The following AGPAT3 variants were observed in gnomAD, a reference collection of about 807,000 sequenced individuals.
The protein encoded by AGPAT3 is 1-acyl-sn-glycerol-3-phosphate acyltransferase gamma.
AGPAT3 carries 5 observed loss-of-function variants against 47.3 expected under a neutral mutation model. The observed-to-expected ratio is 0.11, with a 90% CI of 0.06 to 0.22. AGPAT3 has a LOEUF of 0.22. Among genes scored for constraint, AGPAT3 ranks in the 10% least tolerant of loss-of-function variants. The pLI is 1.00. For synonymous variants in AGPAT3, 212 were observed against 208.3 expected (o/e 1.02, Z -0.15); for missense variants, 315 against 493.0 (o/e 0.64, Z 3.42).
chr21:43,865,425 C>G (rs1601169053), intron 1 of AGPAT3, 80 bp downstream of exon 1: 1 of 146,712 alleles, frequency 6.8e-6, no homozygotes, highest in African/African-American at 2.4e-5. Context: ...GTCGCCCTCC[C>G]GCCGCCGGAG....
chr21:43,977,613 C>CA (rs1308745829), intron 7 of AGPAT3, among the ~76,000 whole-genome samples: 1 of 152,206 alleles, frequency 6.6e-6, no homozygotes, highest in African/African-American at 2.4e-5. Context: ...CGCAGTGGCT[C>CA]ACGCCTGTAA....
At chr21:43,974,384 GGTGT>G (rs751516108) in intron 7 of AGPAT3, among the ~76,000 whole-genome samples, 1 of 151,490 alleles carries the variant, frequency 6.6e-6, no homozygotes, top group South Asian at 2.1e-4. Context: ...ATGTGTGTGT[GGTGT>G]GTGAGGTATG....
At chr21:43,915,559 G>C (rs923734064) in intron 2 of AGPAT3, among the ~76,000 whole-genome samples, 1 of 151,124 alleles carries the variant, frequency 6.6e-6, no homozygotes, top group Non-Finnish European at 1.5e-5. Context: ...TTACAGGCAT[G>C]CACCACCATG....
chr21:43,891,355 C>T (rs535030266), intron 1 of AGPAT3, among the ~76,000 whole-genome samples: 3 of 152,294 alleles, frequency 2.0e-5, no homozygotes, highest in South Asian at 2.1e-4. Context: ...AACTCCGGGC[C>T]GGGTGCGGTG....
rs1416430971 is a variant in AGPAT3, at chr21:43,961,399, CTT to C, written c.178+1542_178+1543del. ...GTGAGAAATGGTGAACCCACATACACTTTGTCTCATATGGGAAACGGTGAGCG... is the reference window on the plus strand; with the variant it reads ...GTGAGAAATGGTGAACCCACATACACTGTCTCATATGGGAAACGGTGAGCG... On this transcript the variant is annotated intron_variant, in intron 3 of 9. Transcript: ENST00000291572. Among the ~76,000 whole-genome samples the C allele has an allele frequency of 2.6e-5, 4 of 152,048 alleles. 1 individual carries two copies. Among genetic ancestry groups the C allele is most frequent in the Middle Eastern group, 6.8e-3 (2 of 294 alleles).
intron 2 of AGPAT3, chr21:43,919,657 G>A (rs1452236495): frequency 1.3e-5 from 2 of 152,224 alleles, no homozygotes; most frequent in East Asian, 3.8e-4. Context: ...ATACCCAGGA[G>A]TGGGATTGCT....
chr21:43,971,821 G>T (rs912245438), intron 7 of AGPAT3, among the ~76,000 whole-genome samples: 7 of 152,236 alleles, frequency 4.6e-5, no homozygotes, highest in Non-Finnish European at 1.5e-5. Context: ...CTCTCCTTCT[G>T]CCTCCTTGGG....
At position 43,955,186 on chromosome 21, in the gene AGPAT3, G is replaced by C. The variant is rs754874335; in HGVS notation, c.-48-4448G>C. 1.6e-6 allele frequency: 2 copies of C among 1,266,852 alleles called. No individual in the cohort carries two copies. Among genetic ancestry groups the C allele is most frequent in the South Asian group, 1.3e-5 (1 of 78,264 alleles). The allele number at this position is 1,266,852 out of a possible 1,614,324, so 78.5% of individuals were successfully genotyped here. A position where few individuals can be genotyped will look rare whatever the true frequency, so the allele number is the denominator to read the frequency against. On this transcript the variant is annotated intron_variant, in intron 2 of 9. Transcript: ENST00000291572. The surrounding 1 kb of genome is among the most constrained non-coding windows in gnomAD (Gnocchi z 4.1). ...CCCGGGGCCGTCTCAGAAGCACCGCGCTGGACCGGCTGGGCCAGATGCCAT... is the reference window on the plus strand; with the variant it reads ...CCCGGGGCCGTCTCAGAAGCACCGCCCTGGACCGGCTGGGCCAGATGCCAT...
chr21:43,947,865 A>G (rs530889634), intron 2 of AGPAT3, among the ~76,000 whole-genome samples: 2 of 152,150 alleles, frequency 1.3e-5, no homozygotes, highest in South Asian at 4.1e-4. Context: ...GACCATCACC[A>G]TGATGGTCTC....
At chr21:43,921,944 G>A (rs541180756) in intron 2 of AGPAT3, among the ~76,000 whole-genome samples, 1 of 152,158 alleles carries the variant, frequency 6.6e-6, no homozygotes, top group African/African-American at 2.4e-5. Flanking sequence ...ACATTTCACA[G>A]CTCCCCGGGG....
At chr21:43,895,670 C>T (rs192992971) in intron 1 of AGPAT3, among the ~76,000 whole-genome samples, 103 of 152,308 alleles carry the variant, frequency 6.8e-4, no homozygotes, top group Non-Finnish European at 1.4e-3. Flanking sequence ...TCGCTGCAAC[C>T]TCCACCTCGT....
intron 2 of AGPAT3, among the ~76,000 whole-genome samples, chr21:43,945,134 G>C (rs1251612163): frequency 6.6e-6 from 1 of 152,226 alleles, no homozygotes; most frequent in Non-Finnish European, 1.5e-5. Context: ...TGGCCCTGCA[G>C]GTGGCGGTTT....
At chr21:43,875,389 C>A (rs139109666) in intron 1 of AGPAT3, among the ~76,000 whole-genome samples, 1 of 152,228 alleles carries the variant, frequency 6.6e-6, no homozygotes, top group African/African-American at 2.4e-5. Flanking sequence ...CTTTGATCCA[C>A]AGTTGGTTGA....
intron 1 of AGPAT3, among the ~76,000 whole-genome samples, chr21:43,871,741 T>C (rs2085629333): frequency 6.6e-6 from 1 of 152,156 alleles, no homozygotes; most frequent in South Asian, 2.1e-4. Flanking sequence ...GGTGATGTCT[T>C]TTTCTCACCT....
Position 43,952,012 on chromosome 21 carries a change from G to A in AGPAT3, c.-48-7622G>A, listed in dbSNP as rs948619182. Among the ~76,000 whole-genome samples, 1 of 152,178 alleles carries A rather than the reference G, an allele frequency of 6.6e-6. No individual in the cohort carries two copies. Among genetic ancestry groups the A allele is most frequent in the African/African-American group, 2.4e-5 (1 of 41,434 alleles). Reference sequence around the variant, plus strand: ...GGTCACAGGGACCAGCGACGGGGAGGAGGGTCCACATGCTGCAGCGAAGGA... The same window carrying A: ...GGTCACAGGGACCAGCGACGGGGAGAAGGGTCCACATGCTGCAGCGAAGGA... On this transcript the variant is annotated intron_variant, in intron 2 of 9. Transcript: ENST00000291572. This position sits in a 1 kb window ranked among gnomAD's most constrained non-coding sequence, Gnocchi z 5.6.
intron 8 of AGPAT3, among the ~76,000 whole-genome samples, chr21:43,979,062 C>T (rs1245761101): frequency 6.6e-6 from 1 of 152,092 alleles, no homozygotes; most frequent in Non-Finnish European, 1.5e-5. Flanking sequence ...CTTTGGGAGG[C>T]CGAGGTGGGC....
intron 2 of AGPAT3, among the ~76,000 whole-genome samples, chr21:43,956,972 C>A (rs776519791): frequency 6.6e-6 from 1 of 152,240 alleles, no homozygotes; most frequent in Non-Finnish European, 1.5e-5. Context: ...GAAGACCCCT[C>A]CACCTTTCGA....
intron 1 of AGPAT3, among the ~76,000 whole-genome samples, chr21:43,876,079 C>A (rs2085727060): frequency 6.6e-6 from 1 of 152,110 alleles, no homozygotes; most frequent in South Asian, 2.1e-4. Flanking sequence ...CCATGCCCAG[C>A]CTAACCTGTT....
chr21:43,940,651 A>G (rs971087422), intron 2 of AGPAT3, among the ~76,000 whole-genome samples: 15 of 152,232 alleles, frequency 9.9e-5, no homozygotes, highest in African/African-American at 3.4e-4. Flanking sequence ...TGCCTGATGT[A>G]TGGGCACAGA....
Sources: allele counts gnomAD v4.1 joint callset (sites outside exome capture counted in the v4.1 genomes callset), GRCh38; gene constraint gnomAD v4.1.1; non-coding constraint Gnocchi (gnomAD v3.1); transcripts MANE v1.5; gene names NCBI Gene and HGNC (gene_info 2026-07-23, HGNC 2026-07-21).